Variants in USP34 observed in about 807,000 individuals in gnomAD.
USP34 encodes ubiquitin carboxyl-terminal hydrolase 34.
USP34 carries 70 observed loss-of-function variants against 460.3 expected under a neutral mutation model. That is an observed-to-expected ratio of 0.15 (90% CI 0.13 to 0.19). The LOEUF is 0.19. Ranked by LOEUF, USP34 falls within the 10% of genes least tolerant of loss-of-function variation. USP34 has a pLI of 1.00. For synonymous variants in USP34, 1,647 were observed against 1,405.3 expected, an observed-to-expected ratio of 1.17 and a Z score of -3.85; for missense variants, 3,985 against 4,236.2, an observed-to-expected ratio of 0.94 and a Z score of 1.65.
intron 1 of USP34, among the ~76,000 whole-genome samples, chr2:61,449,472 G>A (rs1695208224): frequency 6.7e-6 from 1 of 149,412 alleles, no homozygotes; most frequent in South Asian, 2.1e-4. Flanking sequence ...AAACTCAGAA[G>A]GAAACTCAAG....
At chr2:61,262,730 C>A (rs1425982167) in intron 43 of USP34, among the ~76,000 whole-genome samples, 1 of 152,144 alleles carries the variant, frequency 6.6e-6, no homozygotes, top group African/African-American at 2.4e-5. Flanking sequence ...AATAGTAATT[C>A]TGTTTAAAGT....
intron 48 of USP34, among the ~76,000 whole-genome samples, chr2:61,254,797 A>G (rs1688678766): frequency 6.6e-6 from 1 of 152,178 alleles, no homozygotes; most frequent in South Asian, 2.1e-4. Context: ...GAATAATAAT[A>G]AAGGGAAAAA....
At chr2:61,269,117 G>C (rs1226173498) in intron 41 of USP34, among the ~76,000 whole-genome samples, 2 of 152,132 alleles carry the variant, frequency 1.3e-5, no homozygotes, top group Non-Finnish European at 2.9e-5. Context: ...GGGGAATCAA[G>C]TGGAAATACT....
intron 43 of USP34, among the ~76,000 whole-genome samples, chr2:61,264,252 T>C (rs1688981782): frequency 6.6e-6 from 1 of 152,196 alleles, no homozygotes; most frequent in African/African-American, 2.4e-5. Flanking sequence ...CTGGAGACTT[T>C]AAAGAGTAAC....
intron 2 of USP34, among the ~76,000 whole-genome samples, chr2:61,412,886 CAA>C (rs10717013): frequency 8.3e-5 from 6 of 72,636 alleles, no homozygotes; most frequent in Non-Finnish European, 5.6e-5. Context: ...AATCCCATCT[CAA>C]AAAAAAAAAA....
chr2:61,380,532 TG>T (rs1692938975), intron 6 of USP34, among the ~76,000 whole-genome samples, 171 bp from the exon 7 acceptor site: 1 of 152,224 alleles, frequency 6.6e-6, no homozygotes, highest in Admixed American at 6.5e-5. Context: ...ATTCCTTCTC[TG>T]CTGTCCAACC....
Position 61,227,006 on chromosome 2 carries a change from A to G in USP34, c.7595+61T>C, listed in dbSNP as rs1687747811. On this transcript the variant is annotated intron_variant, in intron 62 of 79. Coordinates refer to ENST00000398571, the MANE Select transcript of USP34 (RefSeq NM_014709.4). Reference sequence around the variant, plus strand: ...GCTAGTGGAAAAACTAGTGGTAAACAATTATGTAAAAATAATAAAACCAAA... The same window carrying G: ...GCTAGTGGAAAAACTAGTGGTAAACGATTATGTAAAAATAATAAAACCAAA... The G allele has an allele frequency of 1.1e-5, 17 of 1,524,366 alleles. 2 individuals are homozygous for G. The South Asian group carries it at 2.3e-4, about 20-fold the overall frequency. 94.4% of individuals were successfully genotyped at this position (1,524,366 alleles called of 1,614,324 possible). A position where few individuals can be genotyped will look rare whatever the true frequency, so the allele number is the denominator to read the frequency against.
intron 21 of USP34, among the ~76,000 whole-genome samples, chr2:61,323,618 G>A (rs143572518): frequency 6.6e-6 from 1 of 152,238 alleles, no homozygotes; most frequent in African/African-American, 2.4e-5. Context: ...CAGGTGAAGT[G>A]GTGGGGAGAA....
chr2:61,470,630 C>G lies in USP34; in HGVS notation c.43+20G>C, dbSNP rs747535011. The G allele has an allele frequency of 1.3e-6, 2 of 1,579,430 alleles. No individual in the cohort carries two copies. Among genetic ancestry groups the G allele is most frequent in the Non-Finnish European group, 1.7e-6 (2 of 1,156,982 alleles). ...ACCCCAAACCGTGCACCCCGACAGGCCGCTACCGCGGCTACTTACTTTCAT... is the reference window on the plus strand; with the variant it reads ...ACCCCAAACCGTGCACCCCGACAGGGCGCTACCGCGGCTACTTACTTTCAT... On this transcript the variant is annotated intron_variant, in intron 1 of 79. Transcript: ENST00000398571.
Position 61,416,264 on chromosome 2 carries a change from C to T in USP34, c.131+4482G>A, listed in dbSNP as rs562053583. 3.9e-4 allele frequency among the ~76,000 whole-genome samples: 59 copies of T among 152,270 alleles called. 1 individual carries two copies. In the South Asian group the frequency reaches 0.012, roughly 30 times the overall value. On this transcript the variant is annotated intron_variant, in intron 2 of 79. Transcript: ENST00000398571. ...ATACATTTAACCTATTTAAAAGCAA[C>T]GGCTTCTAAAACTATTCTAAAAAAC...
chr2:61,237,820 C>T (rs1327548698), intron 53 of USP34, among the ~76,000 whole-genome samples: 3 of 151,562 alleles, frequency 2.0e-5, no homozygotes, highest in African/African-American at 7.3e-5. Context: ...AAGCAATCCA[C>T]CTACTTCCCA....
intron 40 of USP34, 50 bp from the exon 41 acceptor site, chr2:61,278,335 T>C (rs1689435053): frequency 6.2e-7 from 1 of 1,609,640 alleles, no homozygotes; most frequent in South Asian, 1.1e-5. Flanking sequence ...CACATAATTA[T>C]GTCTTTTATC....
At chr2:61,237,584 T>A (rs1014252401) in intron 53 of USP34, among the ~76,000 whole-genome samples, 71 of 118,868 alleles carry the variant, frequency 6.0e-4, no homozygotes, top group African/African-American at 2.1e-3. Context: ...TTTTTTTTTT[T>A]AAAGACAGGG....
In USP34 at chr2:61,385,540, C is replaced by T. The variant is rs183517675; in HGVS notation, c.754-2204G>A. Among the ~76,000 whole-genome samples the T allele has an allele frequency of 4.0e-5, 6 of 151,500 alleles. No individual in the cohort carries two copies. The East Asian group carries it at 5.8e-4, about 15-fold the overall frequency. ...CAAAAAACTTAGCCGGACGTGGTGGCGGGCGCCTGTAGTCCCAGCTACTTG... is the reference window on the plus strand; with the variant it reads ...CAAAAAACTTAGCCGGACGTGGTGGTGGGCGCCTGTAGTCCCAGCTACTTG... On this transcript the variant is annotated intron_variant, in intron 5 of 79. Transcript: ENST00000398571.
intron 43 of USP34, among the ~76,000 whole-genome samples, chr2:61,263,047 C>A (rs1430250933): frequency 1.3e-5 from 2 of 151,878 alleles, no homozygotes; most frequent in Non-Finnish European, 1.5e-5. Flanking sequence ...CTTGCTCTGT[C>A]ACCCAGACTG....
At chr2:61,262,474 T>A (rs1320002727) in intron 43 of USP34, among the ~76,000 whole-genome samples, 1 of 152,184 alleles carries the variant, frequency 6.6e-6, no homozygotes, top group African/African-American at 2.4e-5. Flanking sequence ...CTTAGGATAA[T>A]GGCCTCCAGT....
At chr2:61,440,100 G>C (rs758698876) in intron 1 of USP34, among the ~76,000 whole-genome samples, 1 of 152,106 alleles carries the variant, frequency 6.6e-6, no homozygotes, top group Non-Finnish European at 1.5e-5. Context: ...GCACCTGCCT[G>C]AGTGCTACAC....
intron 1 of USP34, among the ~76,000 whole-genome samples, chr2:61,430,627 A>G (rs918327478): frequency 2.0e-5 from 3 of 152,230 alleles, no homozygotes; most frequent in Admixed American, 6.5e-5. Context: ...TGTAAATTAT[A>G]TAACAATTTA....
chr2:61,392,555 T>C (rs1572996748), intron 5 of USP34, among the ~76,000 whole-genome samples: 1 of 151,860 alleles, frequency 6.6e-6, no homozygotes, highest in African/African-American at 2.4e-5. Context: ...ACCCAGGAGG[T>C]GGATGCTGCA....
Sources: gnomAD v4.1 joint callset for allele counts (sites outside exome capture counted in the v4.1 genomes callset) on GRCh38, gnomAD v4.1.1 for gene constraint, MANE v1.5 for transcripts, NCBI Gene and HGNC (gene_info 2026-07-23, HGNC 2026-07-21) for gene names.